TRPC7: variants seen among roughly 807,000 people sequenced by gnomAD.
The protein encoded by TRPC7 is transient receptor potential cation channel subfamily C member 7.
A neutral mutation model predicts 90.1 loss-of-function variants in TRPC7; 42 were observed. That is an observed-to-expected ratio of 0.47 (90% CI 0.36 to 0.60). The LOEUF (loss-of-function observed/expected upper bound fraction) is 0.60, where lower values mean the gene tolerates loss of function less well. TRPC7 is among the 20% of genes least tolerant of loss of function. The probability of loss-of-function intolerance (pLI) is 0.00; values close to 1 mark genes in which losing one functional copy is unlikely to be tolerated. For synonymous variants in TRPC7, 451 were observed against 436.3 expected (o/e 1.03, Z -0.42); for missense variants, 955 against 1,112.3 (o/e 0.86, Z 2.01).
chr5:136,357,345 T>A lies in TRPC7; in HGVS notation c.43A>T (p.Thr15Ser). ...CGACGGCCCTTCTCCCTCAGCGTTG[T>A]GTGCCGGCGCTGCATGTTTTTGAAG... is the stretch of plus-strand genomic sequence containing the variant. ...STFKNMQRRH[T>S]TLREKGRRQA... Residue 15 changes from threonine (T) to serine (S), a missense_variant, in exon 2 of 12, where the codon ACA becomes TCA. Physicochemically the swap from Thr to Ser is moderately conservative, Grantham distance 58. Transcript: ENST00000513104. 1 of 1,603,570 alleles carries A rather than the reference T, an allele frequency of 6.2e-7. No homozygotes were observed. Among genetic ancestry groups the A allele is most frequent in the Non-Finnish European group, 8.5e-7 (1 of 1,179,778 alleles).
At chr5:136,358,281 T>G (rs1331067046) in intron 1 of TRPC7, among the ~76,000 whole-genome samples, 2 of 152,212 alleles carry the variant, frequency 1.3e-5, no homozygotes, top group African/African-American at 4.8e-5. Flanking sequence ...GGTCCCCTTC[T>G]TACTTATTGC....
At chr5:136,251,517 A>G in intron 6 of TRPC7, 132 bp downstream of exon 6, 1 of 739,796 alleles carries the variant, frequency 1.4e-6, no homozygotes, top group South Asian at 1.9e-5. Flanking sequence ...TGGAACTGCC[A>G]AAGTCGGCTG....
intron 10 of TRPC7, among the ~76,000 whole-genome samples, chr5:136,219,387 T>A (rs1772937299): frequency 6.6e-6 from 1 of 152,238 alleles, no homozygotes; most frequent in Non-Finnish European, 1.5e-5. Flanking sequence ...AGGGACACTT[T>A]AGCCTTCCTC....
At chr5:136,248,272 TGA>T in intron 6 of TRPC7, among the ~76,000 whole-genome samples, 1 of 152,354 alleles carries the variant, frequency 6.6e-6, no homozygotes, top group East Asian at 1.9e-4. Flanking sequence ...CACATGACTC[TGA>T]GAGACAACTA....
At chr5:136,245,068 A>T (rs1756294874) in intron 7 of TRPC7, among the ~76,000 whole-genome samples, 1 of 152,222 alleles carries the variant, frequency 6.6e-6, no homozygotes, top group South Asian at 2.1e-4. Flanking sequence ...AATCCTGTGA[A>T]GTTGGCTCTC....
chr5:136,262,444 C>T (rs1034163622), intron 5 of TRPC7, among the ~76,000 whole-genome samples: 3 of 152,162 alleles, frequency 2.0e-5, no homozygotes, highest in Non-Finnish European at 4.4e-5. Context: ...AGAGGGCATG[C>T]TCTTACCTGC....
intron 3 of TRPC7, among the ~76,000 whole-genome samples, chr5:136,278,998 G>A (rs569414714): frequency 1.8e-4 from 27 of 152,148 alleles, no homozygotes; most frequent in African/African-American, 6.3e-4. Context: ...AAGCAGTTGC[G>A]AACTGAGCCT....
At chr5:136,214,733 C>A (rs988432757) in intron 11 of TRPC7, among the ~76,000 whole-genome samples, 12 of 152,264 alleles carry the variant, frequency 7.9e-5, no homozygotes, top group South Asian at 6.2e-4. Flanking sequence ...GGCTGAGCTT[C>A]GAGCTGCATG....
chr5:136,332,147 A>G (rs1320708908), intron 2 of TRPC7, among the ~76,000 whole-genome samples: 2 of 150,658 alleles, frequency 1.3e-5, no homozygotes, highest in African/African-American at 4.9e-5. Context: ...AGTTACCCAA[A>G]TATATAAGGA....
intron 3 of TRPC7, among the ~76,000 whole-genome samples, chr5:136,291,337 A>G (rs1310900212): frequency 6.6e-6 from 1 of 152,250 alleles, no homozygotes; most frequent in Admixed American, 6.5e-5. Context: ...ATTAAAAGGC[A>G]CAGACTGGCA....
At chr5:136,318,094 G>A (rs35319279) in intron 2 of TRPC7, among the ~76,000 whole-genome samples, 14,738 of 152,214 alleles carry the variant, frequency 0.097, 790 homozygotes, top group Non-Finnish European at 0.13. Context: ...GAGAACCCAG[G>A]CCTGCGAGGA....
At chr5:136,235,092 T>C (rs959188735) in intron 7 of TRPC7, among the ~76,000 whole-genome samples, 3 of 152,142 alleles carry the variant, frequency 2.0e-5, no homozygotes, top group Non-Finnish European at 4.4e-5. Flanking sequence ...CTTGAGAGAT[T>C]TGGCCACACA....
intron 2 of TRPC7, among the ~76,000 whole-genome samples, chr5:136,319,605 C>G (rs1353318335): frequency 6.6e-6 from 1 of 152,052 alleles, no homozygotes. Flanking sequence ...CTTTCTTGTC[C>G]CCTTCAGTAA....
intron 4 of TRPC7, 103 bp from the exon 5 acceptor site, chr5:136,266,539 A>G (rs1254159082): frequency 1.9e-6 from 2 of 1,049,978 alleles, no homozygotes; most frequent in Non-Finnish European, 1.4e-6. Flanking sequence ...AGAATCCTTC[A>G]TCTTGGACAG....
In TRPC7 at chr5:136,302,647, T is replaced by C. The variant is rs181496680; in HGVS notation, c.963+12950A>G. 6.0e-4 allele frequency among the ~76,000 whole-genome samples: 91 copies of C among 152,256 alleles called. No individual in the cohort carries two copies. In the East Asian group the frequency reaches 0.017, roughly 28 times the overall value. ...TCTTCAACTCTCACCTGACCTAAAATCTAAGCATCTTATTTTCTTCTGCAA... is the reference window on the plus strand; with the variant it reads ...TCTTCAACTCTCACCTGACCTAAAACCTAAGCATCTTATTTTCTTCTGCAA... On this transcript the variant is annotated intron_variant, in intron 3 of 11. Transcript: ENST00000513104.
At chr5:136,358,210 C>T (rs1446349427) in intron 1 of TRPC7, among the ~76,000 whole-genome samples, 1 of 152,136 alleles carries the variant, frequency 6.6e-6, no homozygotes, top group East Asian at 1.9e-4. Flanking sequence ...TCAGCCTTAG[C>T]TTCTTAAGAT....
intron 1 of TRPC7, among the ~76,000 whole-genome samples, chr5:136,359,641 G>GGCAC (rs1219094833): frequency 6.6e-6 from 1 of 152,120 alleles, no homozygotes; most frequent in Non-Finnish European, 1.5e-5. Context: ...ATAGTGTGCA[G>GGCAC]GCACTTATTA....
chr5:136,240,415 A>ACAAACAC (rs1756123782), intron 7 of TRPC7, among the ~76,000 whole-genome samples: 1 of 152,182 alleles, frequency 6.6e-6, no homozygotes, highest in South Asian at 2.1e-4. Context: ...GGCCTCAGGG[A>ACAAACAC]CAAACACCAC....
At chr5:136,299,847 T>C (rs983531908) in intron 3 of TRPC7, among the ~76,000 whole-genome samples, 2 of 152,228 alleles carry the variant, frequency 1.3e-5, no homozygotes, top group African/African-American at 4.8e-5. Flanking sequence ...ATCTGATTTG[T>C]ATCTATTTCT....
Sources: allele counts gnomAD v4.1 joint callset (sites outside exome capture counted in the v4.1 genomes callset), GRCh38; gene constraint gnomAD v4.1.1; transcripts MANE v1.5; gene names NCBI Gene and HGNC (gene_info 2026-07-23, HGNC 2026-07-21).